Variants in GBP7 observed in about 807,000 individuals in gnomAD.
The protein encoded by GBP7 is guanylate binding protein 7.
Under a neutral mutation model 61.3 loss-of-function variants are expected in GBP7, and 43 were observed. The ratio of observed to expected loss-of-function variants is 0.70; its 90% CI spans 0.55 to 0.91. GBP7 has a LOEUF of 0.91. GBP7 is among the 40% of genes least tolerant of loss of function. The pLI, the probability that GBP7 is intolerant of heterozygous loss-of-function variation, is 0.00. For missense variants in GBP7, 717 were observed against 740.5 expected (o/e 0.97, Z 0.37); for synonymous variants, 267 against 271.0 (o/e 0.99, Z 0.14).
chr1:89,156,467 A>T (rs1682317252), intron 3 of GBP7, among the ~76,000 whole-genome samples: 1 of 152,168 alleles, frequency 6.6e-6, no homozygotes, highest in Non-Finnish European at 1.5e-5. Flanking sequence ...CCATCTCATG[A>T]GCAGAGACAC....
intron 8 of GBP7, among the ~76,000 whole-genome samples, chr1:89,144,078 T>C (rs2100642003): frequency 6.6e-6 from 1 of 152,334 alleles, no homozygotes; most frequent in South Asian, 2.1e-4. Context: ...CGTCTTTATG[T>C]ACATGTGTAT....
chr1:89,149,753 T>G (rs969293389), intron 6 of GBP7, among the ~76,000 whole-genome samples, 181 bp from the exon 7 acceptor site: 1 of 152,178 alleles, frequency 6.6e-6, no homozygotes, highest in Non-Finnish European at 1.5e-5. Flanking sequence ...TTTCCTACGA[T>G]AACATGACTG....
intron 8 of GBP7, among the ~76,000 whole-genome samples, chr1:89,144,069 G>A (rs972364826): frequency 3.3e-5 from 5 of 152,008 alleles, no homozygotes; most frequent in Admixed American, 1.3e-4. Flanking sequence ...TATTGTTCCC[G>A]TCTTTATGTA....
intron 3 of GBP7, 129 bp from the exon 4 acceptor site, chr1:89,152,906 A>G (rs916350167): frequency 3.5e-6 from 2 of 570,646 alleles, no homozygotes; most frequent in Admixed American, 3.4e-5. Flanking sequence ...GTCTAAAGGA[A>G]ACACAAATGT....
chr1:89,131,968 C>T lies in GBP7; in HGVS notation c.*181G>A. On this transcript the variant is annotated 3_prime_UTR_variant, in exon 11 of 11. Coordinates refer to ENST00000294671, the MANE Select transcript of GBP7 (RefSeq NM_207398.3). ...TTCTAGGAATAATTTTATCTTCTAA[C>T]TTGTTCCCCATTTCTATTAATTATT... The T allele has an allele frequency of 2.2e-6, 1 of 464,846 alleles. No individual in the cohort carries two copies. 28.8% of individuals were successfully genotyped at this position (464,846 alleles called of 1,614,324 possible). A position where few individuals can be genotyped will look rare whatever the true frequency, so the allele number is the denominator to read the frequency against.
chr1:89,170,432 C>G (rs1203632184), intron 2 of GBP7, among the ~76,000 whole-genome samples: 1 of 152,130 alleles, frequency 6.6e-6, no homozygotes, highest in Admixed American at 6.5e-5. Context: ...ATAATGAATT[C>G]CAGGTAGAAT....
At chr1:89,155,950 C>G (rs1682307472) in intron 3 of GBP7, among the ~76,000 whole-genome samples, 1 of 152,048 alleles carries the variant, frequency 6.6e-6, no homozygotes, top group Admixed American at 6.6e-5. Context: ...TTAAGGGCAG[C>G]CAGAGAGAAA....
intron 3 of GBP7, 32 bp downstream of exon 3, chr1:89,164,699 G>T: frequency 6.2e-7 from 1 of 1,605,844 alleles, no homozygotes; most frequent in Non-Finnish European, 8.5e-7. Context: ...AGAATCAAAG[G>T]TAAAGAAGAT....
intron 3 of GBP7, 68 bp from the exon 4 acceptor site, chr1:89,152,845 T>G (rs1682237621): frequency 7.9e-7 from 1 of 1,267,904 alleles, no homozygotes; most frequent in African/African-American, 1.5e-5. Flanking sequence ...GTCAACTACT[T>G]GTATCCATGT....
intron 3 of GBP7, among the ~76,000 whole-genome samples, chr1:89,160,906 G>GT (rs1186152080): frequency 6.6e-6 from 1 of 151,564 alleles, no homozygotes; most frequent in Non-Finnish European, 1.5e-5. Context: ...GTACGCATTA[G>GT]TTTTTTTTCT....
chr1:89,171,202 A>G (rs1052047229), intron 2 of GBP7, among the ~76,000 whole-genome samples: 3 of 152,220 alleles, frequency 2.0e-5, no homozygotes, highest in African/African-American at 7.2e-5. Context: ...CATTTCCTGA[A>G]TGATGAAACT....
intron 9 of GBP7, 122 bp downstream of exon 9, chr1:89,141,424 C>T: frequency 1.5e-6 from 1 of 687,836 alleles, no homozygotes. Flanking sequence ...TCAGTTTTAG[C>T]AGAGCATGTG....
intron 3 of GBP7, among the ~76,000 whole-genome samples, chr1:89,159,119 C>T (rs1163241793): frequency 6.6e-6 from 1 of 152,098 alleles, no homozygotes; most frequent in Non-Finnish European, 1.5e-5. Context: ...GGAAAGGATT[C>T]CCTATTTGAT....
chr1:89,141,074 T>C (rs1011371667), intron 9 of GBP7, among the ~76,000 whole-genome samples: 2 of 151,928 alleles, frequency 1.3e-5, no homozygotes, highest in African/African-American at 4.8e-5. Context: ...GGGTAAAGAT[T>C]GAAAAACTAC....
rs370671361 is a variant in GBP7, at chr1:89,152,655, C to T, written c.428+13G>A. On this transcript the variant is annotated intron_variant, in intron 4 of 10. Coordinates refer to ENST00000294671, the MANE Select transcript of GBP7 (RefSeq NM_207398.3). ...CTCCATAAAACCTGGCTCTTCACTT[C>T]CTGGAAGGATACTGCAGCTGCTCCA... is the stretch of plus-strand genomic sequence containing the variant. 51 of 1,609,126 alleles carry T rather than the reference C, an allele frequency of 3.2e-5. No individual in the cohort carries two copies. Among genetic ancestry groups the T allele is most frequent in the Middle Eastern group, 2.0e-4 (1 of 4,930 alleles).
intron 9 of GBP7, among the ~76,000 whole-genome samples, chr1:89,134,913 GA>G (rs1233801553): frequency 6.6e-6 from 1 of 152,158 alleles, no homozygotes; most frequent in Non-Finnish European, 1.5e-5. Flanking sequence ...CGATATTTAG[GA>G]GACAGTTGAG....
chr1:89,174,544 G>C (rs932063607), intron 1 of GBP7, among the ~76,000 whole-genome samples: 2 of 152,070 alleles, frequency 1.3e-5, no homozygotes, highest in African/African-American at 4.8e-5. Context: ...TCTTCACCTG[G>C]GAAACATTGT....
At chr1:89,146,941 G>T (rs1364649562) in intron 8 of GBP7, among the ~76,000 whole-genome samples, 4 of 152,180 alleles carry the variant, frequency 2.6e-5, no homozygotes, top group African/African-American at 9.7e-5. Flanking sequence ...CAAGTACATA[G>T]ATCAGCCCAT....
intron 3 of GBP7, among the ~76,000 whole-genome samples, chr1:89,159,120 C>T (rs1682378432): frequency 1.3e-5 from 2 of 152,094 alleles, no homozygotes; most frequent in African/African-American, 4.8e-5. Context: ...GAAAGGATTC[C>T]CTATTTGATA....
Sources: allele counts gnomAD v4.1 joint callset (sites outside exome capture counted in the v4.1 genomes callset), GRCh38; gene constraint gnomAD v4.1.1; transcripts MANE v1.5; gene names NCBI Gene and HGNC (gene_info 2026-07-23, HGNC 2026-07-21).